Variants in SNTG1 observed in about 807,000 individuals in gnomAD.
SNTG1 encodes gamma-1-syntrophin.
A neutral mutation model predicts 74.7 loss-of-function variants in SNTG1; 39 were observed. That is an observed-to-expected ratio of 0.52 (90% CI 0.40 to 0.68). SNTG1 has a LOEUF of 0.68. Among genes scored for constraint, SNTG1 ranks in the 30% least tolerant of loss-of-function variants. The probability of loss-of-function intolerance (pLI) is 0.00; values close to 1 mark genes in which losing one functional copy is unlikely to be tolerated. For missense variants in SNTG1, 685 were observed against 609.5 expected, an observed-to-expected ratio of 1.12 and a Z score of -1.30; for synonymous variants, 254 against 217.1, an observed-to-expected ratio of 1.17 and a Z score of -1.49.
chr8:50,736,342 A>C (rs1008118633), intron 17 of SNTG1, among the ~76,000 whole-genome samples: 1 of 151,944 alleles, frequency 6.6e-6, no homozygotes, highest in Non-Finnish European at 1.5e-5. Context: ...AGGGCATTAC[A>C]TAACGGTAAA....
intron 8 of SNTG1, among the ~76,000 whole-genome samples, chr8:50,451,971 G>C (rs1276836994): frequency 1.3e-5 from 2 of 152,178 alleles, no homozygotes; most frequent in Non-Finnish European, 2.9e-5. Flanking sequence ...CCTTTTGCTT[G>C]TCACAGCTCT....
intron 15 of SNTG1, among the ~76,000 whole-genome samples, chr8:50,692,030 G>A (rs990569944): frequency 2.0e-5 from 3 of 151,986 alleles, no homozygotes; most frequent in African/African-American, 7.3e-5. Flanking sequence ...CTTTCTTCCA[G>A]TTGATCTCAT....
chr8:50,583,939 C>T (rs2094629451), intron 12 of SNTG1, among the ~76,000 whole-genome samples: 1 of 151,972 alleles, frequency 6.6e-6, no homozygotes, highest in South Asian at 2.1e-4. Flanking sequence ...CACCCCACGA[C>T]AGGCCCCAGA....
chr8:50,722,656 T>C (rs1260448134), intron 17 of SNTG1, among the ~76,000 whole-genome samples: 3 of 152,184 alleles, frequency 2.0e-5, no homozygotes, highest in African/African-American at 7.2e-5. Context: ...AGCCCTTAGA[T>C]TGAAACAGTT....
rs889728955 is a variant in SNTG1, at chr8:50,141,978, A to C, written c.-102-30583A>C. On this transcript the variant is annotated intron_variant, in intron 1 of 18. Coordinates refer to ENST00000642720, the MANE Select transcript of SNTG1 (RefSeq NM_018967.5). ...ACACACACACTCACACATAGATACA[A>C]ATTATTTATATTGACACCTATTATT... is the stretch of plus-strand genomic sequence containing the variant. Among the ~76,000 whole-genome samples the C allele has an allele frequency of 1.6e-4, 25 of 152,224 alleles. 1 individual carries two copies. The highest frequency in any genetic ancestry group is 5.8e-4 in the African/African-American group (24 of 41,562).
chr8:50,700,802 G>A (rs564104304), intron 15 of SNTG1, among the ~76,000 whole-genome samples: 2 of 152,232 alleles, frequency 1.3e-5, no homozygotes, highest in South Asian at 4.1e-4. Context: ...ACTAAAATGA[G>A]ACCTGGGTGC....
At chr8:49,950,410 AG>A (rs1469414015) in intron 1 of SNTG1, among the ~76,000 whole-genome samples, 2 of 152,204 alleles carry the variant, frequency 1.3e-5, no homozygotes, top group African/African-American at 4.8e-5. Flanking sequence ...CTATTCCTCT[AG>A]TAGTTCTTAT....
At chr8:50,207,141 G>A (rs1032114128) in intron 2 of SNTG1, among the ~76,000 whole-genome samples, 1 of 152,156 alleles carries the variant, frequency 6.6e-6, no homozygotes, top group African/African-American at 2.4e-5. Context: ...AGAAGGAATG[G>A]TACCAGCTCC....
At chr8:50,377,657 A>G (rs1477351455) in intron 2 of SNTG1, among the ~76,000 whole-genome samples, 1 of 152,180 alleles carries the variant, frequency 6.6e-6, no homozygotes, top group Non-Finnish European at 1.5e-5. Context: ...AGCTAAATTG[A>G]TTGGTTAAAA....
chr8:50,720,110 A>G (rs2095484272), intron 17 of SNTG1, among the ~76,000 whole-genome samples: 2 of 152,154 alleles, frequency 1.3e-5, no homozygotes, highest in African/African-American at 2.4e-5. Flanking sequence ...TCAAACATGC[A>G]TGATCTCTAA....
chr8:50,723,959 T>G (rs888813760), intron 17 of SNTG1, among the ~76,000 whole-genome samples: 1 of 152,058 alleles, frequency 6.6e-6, no homozygotes, highest in African/African-American at 2.4e-5. Flanking sequence ...AAATGAGAAG[T>G]GTTAAATCAG....
chr8:50,268,535 T>C (rs879805095), intron 2 of SNTG1, among the ~76,000 whole-genome samples: 12 of 152,086 alleles, frequency 7.9e-5, no homozygotes, highest in Non-Finnish European at 1.5e-4. Context: ...TACTGACCTT[T>C]AATAAATAGC....
intron 2 of SNTG1, chr8:50,381,835 A>ATATATTATATATATATATT (rs1554509532): frequency 3.8e-5 from 5 of 131,076 alleles, no homozygotes; most frequent in Non-Finnish European, 6.4e-5. Flanking sequence ...ATATATATAT[A>ATATATTATATATATATATT]TTATATATAT....
chr8:50,688,094 G>C (rs977660504), intron 15 of SNTG1, among the ~76,000 whole-genome samples: 7 of 152,092 alleles, frequency 4.6e-5, no homozygotes, highest in Non-Finnish European at 8.8e-5. Flanking sequence ...CCCACTTTTT[G>C]ATGGGGTTGT....
chr8:50,269,080 T>C (rs759165346), intron 2 of SNTG1, among the ~76,000 whole-genome samples: 3 of 152,208 alleles, frequency 2.0e-5, no homozygotes, highest in Non-Finnish European at 4.4e-5. Context: ...TTACATCTTA[T>C]ACAAAATTTA....
chr8:50,606,736 A>G (rs960734120), intron 13 of SNTG1, among the ~76,000 whole-genome samples: 2 of 151,940 alleles, frequency 1.3e-5, no homozygotes, highest in African/African-American at 4.8e-5. Flanking sequence ...ATGTTGATGA[A>G]ATACCTTTCT....
intron 15 of SNTG1, among the ~76,000 whole-genome samples, chr8:50,665,379 G>A (rs2095245784): frequency 6.6e-6 from 1 of 151,930 alleles, no homozygotes; most frequent in African/African-American, 2.4e-5. Context: ...TAGAAATATT[G>A]GTATGCAGCC....
chr8:50,537,037 A>G (rs561585041), intron 11 of SNTG1, among the ~76,000 whole-genome samples: 4 of 152,326 alleles, frequency 2.6e-5, no homozygotes, highest in African/African-American at 4.8e-5. Context: ...GATTCAATAG[A>G]CTCAATAGAT....
intron 2 of SNTG1, among the ~76,000 whole-genome samples, chr8:50,317,997 C>G (rs555176333): frequency 6.6e-6 from 1 of 152,066 alleles, no homozygotes; most frequent in Admixed American, 6.5e-5. Context: ...CCACCACGCC[C>G]GGCTAATTTT....
Sources: gnomAD v4.1 joint callset for allele counts (sites outside exome capture counted in the v4.1 genomes callset) on GRCh38, gnomAD v4.1.1 for gene constraint, MANE v1.5 for transcripts, NCBI Gene and HGNC (gene_info 2026-07-23, HGNC 2026-07-21) for gene names.